Variants in CRISPLD1 observed in about 807,000 individuals in gnomAD.
CRISPLD1 encodes the protein cysteine rich secretory protein LCCL domain containing 1.
In CRISPLD1, 60 loss-of-function variants were observed where a neutral mutation model predicts 77.5. The observed-to-expected ratio is 0.77, with a 90% CI of 0.63 to 0.96. The LOEUF (loss-of-function observed/expected upper bound fraction) is 0.96, where lower values mean the gene tolerates loss of function less well. Among genes scored for constraint, CRISPLD1 ranks in the 40% least tolerant of loss-of-function variants. CRISPLD1 has a pLI of 0.00. For missense variants in CRISPLD1, 623 were observed against 615.8 expected (o/e 1.01, Z -0.12); for synonymous variants, 195 against 200.1 (o/e 0.97, Z 0.22).
intron 2 of CRISPLD1, among the ~76,000 whole-genome samples, chr8:74,993,398 A>G (rs865985615): frequency 6.6e-6 from 1 of 152,206 alleles, no homozygotes; most frequent in Non-Finnish European, 1.5e-5. Context: ...ATTATTACTT[A>G]AAATTACTAA....
At chr8:75,031,799 G>A (rs1003665908) in intron 14 of CRISPLD1, among the ~76,000 whole-genome samples, 2 of 151,980 alleles carry the variant, frequency 1.3e-5, no homozygotes, top group African/African-American at 4.8e-5. Context: ...TTTTTAGCTT[G>A]TAACCGTGCA....
At chr8:74,991,933 T>G (rs1587004442) in intron 2 of CRISPLD1, among the ~76,000 whole-genome samples, 1 of 152,224 alleles carries the variant, frequency 6.6e-6, no homozygotes, top group Non-Finnish European at 1.5e-5. Flanking sequence ...TTAAGCCTAT[T>G]TATAGTATTA....
At chr8:75,029,929 C>T (rs1813303654) in intron 14 of CRISPLD1, among the ~76,000 whole-genome samples, 1 of 152,066 alleles carries the variant, frequency 6.6e-6, no homozygotes, top group African/African-American at 2.4e-5. Flanking sequence ...CTGATTTTCC[C>T]TAGAACCAAA....
rs545259926 is a variant in CRISPLD1 at position 75,017,511 on chromosome 8, A to AT, written c.1127+70dup. On this transcript the variant is annotated intron_variant, in intron 10 of 14. Coordinates refer to ENST00000262207, the MANE Select transcript of CRISPLD1 (RefSeq NM_031461.6). ...TTAAATTGTAACAGTGAGCTAACAC[A>AT]TTTTTTTTTAGAGCAAAGCATAGAA... The AT allele has an allele frequency of 2.1e-3, 2,844 of 1,362,066 alleles. 2 individuals carry two copies. The East Asian group carries it at 0.025, about 12-fold the overall frequency. 84.4% of individuals were successfully genotyped at this position (1,362,066 alleles called of 1,614,324 possible).
In CRISPLD1 at chr8:75,012,977, T is replaced by G. The variant is rs1563398419; in HGVS notation, c.465T>G (p.Tyr155Ter). ...SYPYEHECNP[Y>*]CPFRCSGPVC... ...CATATGAACATGAATGCAACCCATA[T>G]TGTCCATTCAGGTGTTCTGGCCCTG... Residue 155 changes from tyrosine (Y) to a stop codon, truncating the protein, a stop_gained, in exon 4 of 15, where the codon TAT becomes TAG. Coordinates refer to ENST00000262207, the MANE Select transcript of CRISPLD1 (RefSeq NM_031461.6). LOFTEE classifies it high-confidence loss of function. 1 of 1,612,680 alleles carries G rather than the reference T, an allele frequency of 6.2e-7. No individual in the cohort carries two copies. The highest frequency in any genetic ancestry group is 8.5e-7 in the Non-Finnish European group (1 of 1,179,178).
chr8:75,016,881 C>A lies in CRISPLD1; in HGVS notation c.869C>A (p.Ser290Tyr). The change falls in exon 8 of 15, where the codon TCC (serine) becomes TAC (tyrosine). Residue 290 changes from serine to tyrosine, a missense_variant and splice_region_variant. By Grantham distance (144) the Ser-to-Tyr change is moderately radical (BLOSUM62 -2). Transcript: ENST00000262207. The stretch of plus-strand genomic sequence containing the variant: ...TATTTAGGTATTTTTTTCTTTGTAG[C>A]CCAAATTGTTTCTTGTGAAGTAAGA... ...RNEVISAQQM[S>Y]QIVSCEVRLR... The A allele has an allele frequency of 6.4e-7, 1 of 1,566,920 alleles. No homozygotes were observed. The highest frequency in any genetic ancestry group is 8.7e-7 in the Non-Finnish European group (1 of 1,154,734).
chr8:74,999,646 T>C (rs1419598478), intron 2 of CRISPLD1, among the ~76,000 whole-genome samples: 1 of 152,138 alleles, frequency 6.6e-6, no homozygotes, highest in African/African-American at 2.4e-5. Context: ...GGGGTTTGAA[T>C]TGGGACATGA....
Position 75,016,950 on chromosome 8 carries a change from T to G in CRISPLD1, c.929+9T>G. 6.5e-7 allele frequency: 1 copy of G among 1,529,890 alleles called. No individual in the cohort carries two copies. Among genetic ancestry groups the G allele is most frequent in the Middle Eastern group, 2.3e-4 (1 of 4,352 alleles). 94.8% of individuals were successfully genotyped at this position (1,529,890 alleles called of 1,614,324 possible). ...GGAACAACCTGCAATAGGTAATATT[T>G]GTTATTATTTTGAAAATTAATTGAA... On this transcript the variant is annotated intron_variant, in intron 8 of 14. Transcript: ENST00000262207.
At chr8:75,004,420 T>C (rs1230030149) in intron 2 of CRISPLD1, among the ~76,000 whole-genome samples, 3 of 152,206 alleles carry the variant, frequency 2.0e-5, no homozygotes, top group Non-Finnish European at 1.5e-5. Flanking sequence ...TATTTACTTA[T>C]TTATTTCATT....
chr8:74,987,102 TA>T (rs1467616289), intron 2 of CRISPLD1, among the ~76,000 whole-genome samples: 13 of 152,240 alleles, frequency 8.5e-5, no homozygotes, highest in Non-Finnish European at 1.5e-5. Context: ...TTAATTTTCA[TA>T]CATTCTAGTT....
chr8:74,988,875 T>C (rs1389757834), intron 2 of CRISPLD1, among the ~76,000 whole-genome samples: 2 of 152,176 alleles, frequency 1.3e-5, no homozygotes, highest in East Asian at 1.9e-4. Context: ...CCTTATTTTC[T>C]TTTAAAGAGC....
At chr8:75,023,576 A>C (rs1397588994) in intron 12 of CRISPLD1, among the ~76,000 whole-genome samples, 1 of 152,228 alleles carries the variant, frequency 6.6e-6, no homozygotes, top group African/African-American at 2.4e-5. Flanking sequence ...ACTATTTCTT[A>C]GAAATGTTAT....
At chr8:75,023,805 T>C (rs957749152) in intron 12 of CRISPLD1, among the ~76,000 whole-genome samples, 4 of 152,132 alleles carry the variant, frequency 2.6e-5, no homozygotes, top group African/African-American at 7.2e-5. Flanking sequence ...TGTGTGTGTG[T>C]GTGTGTGAAT....
At chr8:75,008,311 T>G (rs1812870210) in intron 2 of CRISPLD1, among the ~76,000 whole-genome samples, 1 of 152,104 alleles carries the variant, frequency 6.6e-6, no homozygotes, top group South Asian at 2.1e-4. Context: ...GGTGAATAGT[T>G]CAGAGGAATT....
intron 6 of CRISPLD1, among the ~76,000 whole-genome samples, chr8:75,015,948 C>T (rs1237018474): frequency 1.3e-5 from 2 of 152,138 alleles, no homozygotes; most frequent in South Asian, 2.1e-4. Flanking sequence ...AAATTATACA[C>T]CTCTCCAAAA....
intron 2 of CRISPLD1, among the ~76,000 whole-genome samples, chr8:74,997,869 C>T (rs2383928): frequency 0.14 from 20,693 of 152,170 alleles, 1,632 homozygotes; most frequent in African/African-American, 0.22. Context: ...AGAGTAATTT[C>T]AGTGGTGAGG....
intron 2 of CRISPLD1, among the ~76,000 whole-genome samples, chr8:74,995,843 G>A (rs1812638762): frequency 6.6e-6 from 1 of 151,820 alleles, no homozygotes; most frequent in Non-Finnish European, 1.5e-5. Context: ...ATATAATACC[G>A]ATTAAGAATT....
At chr8:74,991,860 A>T (rs750522160) in intron 2 of CRISPLD1, among the ~76,000 whole-genome samples, 11 of 152,128 alleles carry the variant, frequency 7.2e-5, no homozygotes, top group Non-Finnish European at 1.0e-4. Context: ...ACTCAGCTTA[A>T]ACCTTGTCTT....
intron 13 of CRISPLD1, chr8:75,026,867 G>C (rs905726901): frequency 3.9e-5 from 6 of 152,038 alleles, no homozygotes; most frequent in Admixed American, 1.3e-4. Context: ...CTGGTCTTAT[G>C]TGCCACTGAA....
Sources: allele counts gnomAD v4.1 joint callset (sites outside exome capture counted in the v4.1 genomes callset), GRCh38; gene constraint gnomAD v4.1.1; transcripts MANE v1.5; gene names NCBI Gene and HGNC (gene_info 2026-07-23, HGNC 2026-07-21).